Variants in TIAM2 observed in about 807,000 individuals in gnomAD.
TIAM2 encodes TIAM Rac1 associated GEF 2, also known as rho guanine nucleotide exchange factor TIAM2.
TIAM2 carries 80 observed loss-of-function variants against 152.9 expected under a neutral mutation model. The observed-to-expected ratio is 0.52, with a 90% confidence interval of 0.44 to 0.63. The LOEUF is 0.63. TIAM2 is among the 30% of genes least tolerant of loss of function. The pLI is 0.00. For missense variants in TIAM2, 1,965 were observed against 2,120.1 expected, an observed-to-expected ratio of 0.93 and a Z score of 1.44; for synonymous variants, 804 against 838.0, an observed-to-expected ratio of 0.96 and a Z score of 0.70.
chr6:155,029,762 A>G (rs946174691), intron 1 of TIAM2, among the ~76,000 whole-genome samples: 2 of 116,448 alleles, frequency 1.7e-5, no homozygotes, highest in African/African-American at 3.1e-5. Context: ...ATATATGTAG[A>G]AAAAAACCTA....
chr6:155,257,110 G>GGAAAATCATAGTATGATTC lies in TIAM2; in HGVS notation c.5096_*8dup. On this transcript the variant is annotated stop_gained and frameshift_variant, in exon 27 of 27. Transcript: ENST00000682666. LOFTEE classifies it high-confidence loss of function. ...GTGTTTTTATGAAACAGAGAGCCAC[G>GGAAAATCATAGTATGATTC]GAAAATCATAGTATGATTCAATCCA... 6.2e-7 allele frequency: 1 copy of GGAAAATCATAGTATGATTC among 1,610,266 alleles called. No homozygotes were observed.
At chr6:155,088,669 T>TCAG (rs1244756288) in intron 1 of TIAM2, among the ~76,000 whole-genome samples, 1 of 152,172 alleles carries the variant, frequency 6.6e-6, no homozygotes, top group Non-Finnish European at 1.5e-5. Context: ...GGGTTTGAAC[T>TCAG]CCAATCTCAG....
rs892523300 is a variant in TIAM2, at chr6:155,218,202, C to T, written c.3168+6895C>T. 6.6e-6 allele frequency among the ~76,000 whole-genome samples: 1 copy of T among 152,160 alleles called. No individual in the cohort carries two copies. The highest frequency in any genetic ancestry group is 2.4e-5 in the African/African-American group (1 of 41,428). ...TCAATAGATGAATAGAATCATGATC[C>T]TTTTCTTAAAACCAAACATGCCTAT... On this transcript the variant is annotated intron_variant, in intron 15 of 26. Transcript: ENST00000682666. The surrounding 1 kb of genome is among the most constrained non-coding windows in gnomAD (Gnocchi z 4.5).
chr6:155,144,332 C>A lies in TIAM2; in HGVS notation c.1631-274C>A, dbSNP rs1215346333. ...GGGCCTCTATGGGGATTAAATAAGC[C>A]AGTGCATGTGGAGTACTTAGAAGAG... On this transcript the variant is annotated intron_variant, in intron 5 of 26. Transcript: ENST00000682666. Among the ~76,000 whole-genome samples the A allele has an allele frequency of 2.0e-5, 3 of 152,164 alleles. No homozygotes were observed. The East Asian group carries it at 5.8e-4, about 29-fold the overall frequency.
Position 155,256,610 on chromosome 6 carries a change from G to C in TIAM2, c.4595G>C (p.Cys1532Ser), listed in dbSNP as rs746696045. ...AGCAGCGGCACCCAGAGCAGCGGCT[G>C]CCCCACGGCTGAGGGCAGGCAGGAC... ...SLSSGTQSSG[C>S]PTAEGRQDSK... Residue 1532 changes from cysteine (C) to serine (S), a missense_variant, in exon 27 of 27, where the codon TGC (cysteine) becomes TCC (serine). By Grantham distance (112) the Cys-to-Ser change is moderately radical (BLOSUM62 -1). Around this residue, in one of 3 missense-constraint regions of TIAM2, gnomAD observed 935 missense variants for 980.0 expected, o/e 0.95. Transcript: ENST00000682666. 1.9e-5 allele frequency: 31 copies of C among 1,614,164 alleles called. No individual in the cohort carries two copies. Among genetic ancestry groups the C allele is most frequent in the Admixed American group, 1.2e-4 (7 of 60,032 alleles).
intron 18 of TIAM2, among the ~76,000 whole-genome samples, chr6:155,245,155 T>C (rs1479660628): frequency 6.6e-6 from 1 of 152,188 alleles, no homozygotes; most frequent in African/African-American, 2.4e-5. Flanking sequence ...ATTAAGAGAA[T>C]AGGTTTCTAA....
chr6:155,114,011 ACTT>A (rs1387447363), intron 2 of TIAM2, among the ~76,000 whole-genome samples: 10 of 49,178 alleles, frequency 2.0e-4, no homozygotes, highest in African/African-American at 6.7e-4. Context: ...TTTATACTTT[ACTT>A]TATATATATA....
At chr6:155,006,674 C>A (rs1200284962) in intron 1 of TIAM2, among the ~76,000 whole-genome samples, 1 of 148,644 alleles carries the variant, frequency 6.7e-6, no homozygotes, top group Non-Finnish European at 1.5e-5. Context: ...TCCCCCACCT[C>A]CCCCCACCAA....
chr6:155,111,298 T>TACACACACACACACACACACACAC (rs57988099), intron 2 of TIAM2, among the ~76,000 whole-genome samples: 1 of 138,328 alleles, frequency 7.2e-6, no homozygotes, highest in Non-Finnish European at 1.6e-5. Context: ...ATTCTTGGAA[T>TACACACACACACACACACACACAC]ACACACACAC....
At chr6:155,159,890 G>T (rs536282889) in intron 7 of TIAM2, among the ~76,000 whole-genome samples, 1 of 152,134 alleles carries the variant, frequency 6.6e-6, no homozygotes, top group Non-Finnish European at 1.5e-5. Flanking sequence ...GAATAGATAC[G>T]TGAGTAAAGA....
intron 1 of TIAM2, among the ~76,000 whole-genome samples, chr6:155,073,244 C>A (rs991678061): frequency 6.8e-6 from 1 of 147,384 alleles, no homozygotes; most frequent in African/African-American, 2.5e-5. Context: ...CTCACTGCAA[C>A]CTCCACCTCC....
chr6:155,240,662 C>G lies in TIAM2; in HGVS notation c.3301C>G (p.Arg1101Gly). ...CCACCTGTCTGATGCAGACCGCCTC[C>G]GCAAAGTCATCCAGGAGCTTGTGGA... is the stretch of plus-strand genomic sequence containing the variant. The part of the protein sequence containing the change: ...ARHLSDADRL[R>G]KVIQELVDTE... Residue 1101 changes from arginine (R) to glycine (G), a missense_variant, in exon 16 of 27, where the codon CGC (arginine) becomes GGC (glycine). Arg to Gly is a moderately radical substitution (Grantham distance 125). Around this residue, in one of 3 missense-constraint regions of TIAM2, gnomAD observed 935 missense variants for 980.0 expected, o/e 0.95. Coordinates refer to ENST00000682666, the MANE Select transcript of TIAM2 (RefSeq NM_012454.4). 1 of 1,613,730 alleles carries G rather than the reference C, an allele frequency of 6.2e-7. No individual in the cohort carries two copies. Among genetic ancestry groups the G allele is most frequent in the Non-Finnish European group, 8.5e-7 (1 of 1,179,966 alleles).
intron 15 of TIAM2, among the ~76,000 whole-genome samples, chr6:155,236,062 G>T (rs1479011580): frequency 2.0e-5 from 3 of 151,996 alleles, no homozygotes; most frequent in Non-Finnish European, 2.9e-5. Context: ...TGAGCTTGTG[G>T]TGCAAATCCC....
rs528966581 is a variant in TIAM2 at position 155,060,996 on chromosome 6, A to G, written c.-208-29293A>G. Among the ~76,000 whole-genome samples, 8 of 152,216 alleles carry G rather than the reference A, an allele frequency of 5.3e-5. No homozygotes were observed. In the East Asian group the frequency reaches 1.4e-3, roughly 26 times the overall value. On this transcript the variant is annotated intron_variant, in intron 1 of 26. Transcript: ENST00000682666. ...ACTACAGGTACCTGGTTCATCTTCA[A>G]TTTTCTCTATTCCAGTTCCAGAATC...
At chr6:155,006,465 G>A (rs183527268) in intron 1 of TIAM2, among the ~76,000 whole-genome samples, 2 of 151,488 alleles carry the variant, frequency 1.3e-5, no homozygotes, top group African/African-American at 4.8e-5. Flanking sequence ...TCAGGAGTTC[G>A]AGACCAGCCT....
intron 23 of TIAM2, 33 bp downstream of exon 23, chr6:155,252,036 CT>C: frequency 6.6e-7 from 1 of 1,524,634 alleles, no homozygotes; most frequent in Non-Finnish European, 9.0e-7. Context: ...TTTAAGCTAC[CT>C]TTTCATAGCT....
intron 1 of TIAM2, among the ~76,000 whole-genome samples, chr6:155,025,192 G>GTTT (rs1194986094): frequency 2.1e-5 from 2 of 94,960 alleles, no homozygotes; most frequent in African/African-American, 4.0e-5. Context: ...GCTAATTTTT[G>GTTT]TATTTTTTTT....
At chr6:155,165,491 G>C in intron 9 of TIAM2, 82 bp downstream of exon 9, 1 of 1,517,730 alleles carries the variant, frequency 6.6e-7, no homozygotes, top group Non-Finnish European at 8.9e-7. Flanking sequence ...AATCATCAAT[G>C]TTCATTCTCT....
intron 14 of TIAM2, among the ~76,000 whole-genome samples, chr6:155,209,075 T>A (rs1170378202): frequency 6.6e-6 from 1 of 152,008 alleles, no homozygotes; most frequent in Admixed American, 6.6e-5. Flanking sequence ...TGAAGTGTTT[T>A]AAGGGCCCAG....
Sources: allele counts gnomAD v4.1 joint callset (sites outside exome capture counted in the v4.1 genomes callset), GRCh38; gene constraint gnomAD v4.1.1; regional missense constraint gnomAD v4.1.1; non-coding constraint Gnocchi (gnomAD v3.1); transcripts MANE v1.5; gene names NCBI Gene and HGNC (gene_info 2026-07-23, HGNC 2026-07-21).